TESC: variants seen among roughly 807,000 people sequenced by gnomAD.
The protein encoded by TESC is tescalcin.
In TESC, 19 loss-of-function variants were observed where a neutral mutation model predicts 31.0. The ratio of observed to expected loss-of-function variants is 0.61; its 90% CI spans 0.43 to 0.90. The LOEUF (loss-of-function observed/expected upper bound fraction) is 0.90. TESC is among the 40% of genes least tolerant of loss of function. The pLI is 0.00. For synonymous variants in TESC, 109 were observed against 114.8 expected (o/e 0.95, Z 0.32); for missense variants, 248 against 303.8 (o/e 0.82, Z 1.36).
At chr12:117,075,826 G>A (rs1955044822) in intron 1 of TESC, among the ~76,000 whole-genome samples, 1 of 128,784 alleles carries the variant, frequency 7.8e-6, no homozygotes, top group Non-Finnish European at 1.6e-5. Context: ...CACCATGCCC[G>A]GCTAATTTTC....
intron 6 of TESC, 127 bp downstream of exon 6, chr12:117,046,432 C>T: frequency 4.4e-6 from 4 of 911,924 alleles, no homozygotes; most frequent in Non-Finnish European, 6.5e-6. Context: ...GGTTCCTGAG[C>T]CCCACAGGCC....
At chr12:117,071,759 T>C (rs113563010) in intron 2 of TESC, among the ~76,000 whole-genome samples, 2 of 152,084 alleles carry the variant, frequency 1.3e-5, no homozygotes, top group African/African-American at 4.8e-5. Flanking sequence ...AAGCTGAGCC[T>C]GGGCAGGTGA....
At chr12:117,062,842 C>G (rs1954817261) in intron 2 of TESC, among the ~76,000 whole-genome samples, 1 of 152,198 alleles carries the variant, frequency 6.6e-6, no homozygotes, top group Non-Finnish European at 1.5e-5. Flanking sequence ...AGGCTGCAGC[C>G]ATGGGAACAG....
chr12:117,089,716 A>G (rs1955280396), intron 1 of TESC, among the ~76,000 whole-genome samples: 2 of 152,186 alleles, frequency 1.3e-5, no homozygotes, highest in African/African-American at 2.4e-5. Context: ...CAGCTGAAAT[A>G]AAAAGAAAAT....
chr12:117,099,187 C>G, intron 1 of TESC, 38 bp downstream of exon 1: 1 of 1,474,202 alleles, frequency 6.8e-7, no homozygotes. Flanking sequence ...TTCGGAGGTC[C>G]CGCCCCGGTC....
chr12:117,098,955 G>A (rs1955433688), intron 1 of TESC, among the ~76,000 whole-genome samples: 1 of 152,236 alleles, frequency 6.6e-6, no homozygotes, highest in African/African-American at 2.4e-5. Context: ...CCTGGGCCCC[G>A]CTCCCTCCCC....
Position 117,099,297 on chromosome 12 carries a change from G to A in TESC, c.-15C>T. ...GCAGCGCCCATGGTGCCCGCGGCGG[G>A]GGCCCCGGGGCGCGCGTCCCTCTCA... On this transcript the variant is annotated 5_prime_UTR_variant, in exon 1 of 8. Coordinates refer to ENST00000335209, the MANE Select transcript of TESC (RefSeq NM_017899.4). 7.0e-7 allele frequency: 1 copy of A among 1,425,720 alleles called. No individual in the cohort carries two copies. Among genetic ancestry groups the A allele is most frequent in the Admixed American group, 2.9e-5 (1 of 34,668 alleles). The allele number at this position is 1,425,720 out of a possible 1,614,324, so 88.3% of individuals were successfully genotyped here. A position where few individuals can be genotyped will look rare whatever the true frequency, so the allele number is the denominator to read the frequency against.
chr12:117,099,117 C>T, intron 1 of TESC, 108 bp downstream of exon 1: 3 of 1,216,722 alleles, frequency 2.5e-6, no homozygotes, highest in Non-Finnish European at 2.2e-6. Flanking sequence ...GCAGAGAGGG[C>T]CCGCCACTGG....
rs12296396 is a variant in TESC, at chr12:117,094,442, T to C, written c.58+4783A>G. The stretch of plus-strand genomic sequence containing the variant: ...TGAGTTTTAAAGTCCCCAGGGACTG[T>C]GCCCCTTTAACGTGAGCCTCTTATG... On this transcript the variant is annotated intron_variant, in intron 1 of 7. Transcript: ENST00000335209. Among the ~76,000 whole-genome samples the C allele has an allele frequency of 6.1e-3, 926 of 152,290 alleles. 11 individuals are homozygous for C. Among genetic ancestry groups the C allele is most frequent in the African/African-American group, 0.021 (884 of 41,562 alleles).
chr12:117,062,086 ATAG>A (rs1954806706), intron 2 of TESC, among the ~76,000 whole-genome samples: 1 of 152,210 alleles, frequency 6.6e-6, no homozygotes, highest in Non-Finnish European at 1.5e-5. Context: ...AGCAGTATTA[ATAG>A]TAGTAATAAT....
At chr12:117,074,730 C>T (rs1236859106) in intron 2 of TESC, among the ~76,000 whole-genome samples, 1 of 152,008 alleles carries the variant, frequency 6.6e-6, no homozygotes, top group Non-Finnish European at 1.5e-5. Flanking sequence ...CAGGGTGAGG[C>T]ATGGGGTGGC....
chr12:117,092,453 G>C (rs945086537), intron 1 of TESC, among the ~76,000 whole-genome samples: 1 of 152,226 alleles, frequency 6.6e-6, no homozygotes, highest in African/African-American at 2.4e-5. Flanking sequence ...GCATTCTCCT[G>C]CAAGTTTCCC....
intron 1 of TESC, among the ~76,000 whole-genome samples, chr12:117,087,065 G>A (rs755834495): frequency 1.2e-4 from 18 of 152,212 alleles, no homozygotes; most frequent in Admixed American, 2.6e-4. Flanking sequence ...TCTCATGCCT[G>A]GCACACGCAG....
At chr12:117,051,627 G>A (rs771228933) in intron 3 of TESC, among the ~76,000 whole-genome samples, 3 of 152,194 alleles carry the variant, frequency 2.0e-5, no homozygotes, top group Non-Finnish European at 4.4e-5. Flanking sequence ...CACAGCGACT[G>A]GCTCACACGT....
At chr12:117,051,110 T>G (rs1052731993) in intron 3 of TESC, among the ~76,000 whole-genome samples, 1 of 152,140 alleles carries the variant, frequency 6.6e-6, no homozygotes, top group African/African-American at 2.4e-5. Context: ...GAAGGGGCAG[T>G]GCCTAGCTGG....
intron 2 of TESC, among the ~76,000 whole-genome samples, chr12:117,061,791 G>A (rs1318251343): frequency 6.6e-6 from 1 of 152,124 alleles, no homozygotes; most frequent in Non-Finnish European, 1.5e-5. Flanking sequence ...CATATCAAAG[G>A]GGATGGTTCA....
intron 2 of TESC, among the ~76,000 whole-genome samples, chr12:117,072,838 T>G (rs969275453): frequency 3.3e-5 from 5 of 152,130 alleles, no homozygotes; most frequent in Non-Finnish European, 7.4e-5. Flanking sequence ...AGTACAGTGG[T>G]GCACTCATAG....
intron 1 of TESC, among the ~76,000 whole-genome samples, chr12:117,076,881 G>T (rs948602466): frequency 6.6e-6 from 1 of 152,092 alleles, no homozygotes; most frequent in Non-Finnish European, 1.5e-5. Context: ...AAGTAATATC[G>T]CCTGTCTGCC....
At chr12:117,068,356 C>G (rs572985300) in intron 2 of TESC, among the ~76,000 whole-genome samples, 3 of 152,258 alleles carry the variant, frequency 2.0e-5, no homozygotes, top group Admixed American at 6.5e-5. Context: ...ATGGTGAAAC[C>G]TTGCCTCTAC....
Sources: gnomAD v4.1 joint callset for allele counts (sites outside exome capture counted in the v4.1 genomes callset) on GRCh38, gnomAD v4.1.1 for gene constraint, MANE v1.5 for transcripts, NCBI Gene and HGNC (gene_info 2026-07-23, HGNC 2026-07-21) for gene names.